Variants in P3H1 observed in about 807,000 individuals in gnomAD.
P3H1 encodes the protein growth suppressor 1.
Under a neutral mutation model 84.0 loss-of-function variants are expected in P3H1, and 69 were observed. That is an observed-to-expected ratio of 0.82 (90% CI 0.68 to 1.00). The LOEUF (loss-of-function observed/expected upper bound fraction) is 1.00, where lower values mean the gene tolerates loss of function less well. Among genes scored for constraint, P3H1 ranks in the 50% least tolerant of loss-of-function variants. The pLI is 0.00. For synonymous variants in P3H1, 366 were observed against 388.8 expected (o/e 0.94, Z 0.69); for missense variants, 878 against 962.8 (o/e 0.91, Z 1.17).
intron 6 of P3H1, 122 bp downstream of exon 6, chr1:42,755,426 C>A (rs956677625): frequency 2.9e-6 from 3 of 1,024,486 alleles, no homozygotes; most frequent in Non-Finnish European, 4.6e-6. Flanking sequence ...TGCACAGATC[C>A]CAGGCTAGGC....
intron 1 of P3H1, 128 bp downstream of exon 1, chr1:42,766,375 AGAGC>A (rs1365381356): frequency 2.5e-6 from 2 of 794,316 alleles, no homozygotes; most frequent in Non-Finnish European, 4.2e-6. Context: ...GGCTCCGAGG[AGAGC>A]TCCCCAGCCA....
At chr1:42,748,145 TG>T in intron 12 of P3H1, 54 bp downstream of exon 12, 1 of 1,294,406 alleles carries the variant, frequency 7.7e-7, no homozygotes, top group Non-Finnish European at 1.1e-6. Flanking sequence ...CAGGGCACTG[TG>T]GGGCCTCTGA....
intron 9 of P3H1, 62 bp downstream of exon 9, chr1:42,752,475 G>T: frequency 1.2e-6 from 2 of 1,613,020 alleles, no homozygotes; most frequent in South Asian, 1.1e-5. Flanking sequence ...ACCACCCAAG[G>T]GGCACTTGGT....
intron 10 of P3H1, among the ~76,000 whole-genome samples, 156 bp downstream of exon 10, chr1:42,752,118 G>A (rs564640419): frequency 6.6e-5 from 10 of 152,244 alleles, no homozygotes; most frequent in South Asian, 6.2e-4. Context: ...TGAACCTCAC[G>A]CAACATAACT....
At chr1:42,764,153 G>A (rs1320748006) in intron 1 of P3H1, among the ~76,000 whole-genome samples, 8 of 152,068 alleles carry the variant, frequency 5.3e-5, no homozygotes, top group Admixed American at 1.3e-4. Context: ...GGCTGGGTGC[G>A]GTGGCTCACG....
chr1:42,752,397 T>A (rs774893298), intron 9 of P3H1, 28 bp from the exon 10 acceptor site: 1 of 1,612,432 alleles, frequency 6.2e-7, no homozygotes, highest in East Asian at 2.2e-5. Context: ...CAAGGTGATG[T>A]TAGCCAGGGC....
At chr1:42,752,166 G>T in intron 10 of P3H1, 108 bp downstream of exon 10, 1 of 898,614 alleles carries the variant, frequency 1.1e-6, no homozygotes, top group Non-Finnish European at 1.9e-6. Flanking sequence ...TTGGCAGGTG[G>T]ACCCTCTTCA....
intron 1 of P3H1, among the ~76,000 whole-genome samples, chr1:42,765,489 A>G (rs916342572): frequency 5.3e-5 from 8 of 152,262 alleles, no homozygotes; most frequent in African/African-American, 1.7e-4. Context: ...GTAGGTATGC[A>G]ATACATGTTT....
Position 42,748,207 on chromosome 1 carries a change from C to A in P3H1, c.1831G>T (p.Asp611Tyr), listed in dbSNP as rs200935208. 38 of 1,612,622 alleles carry A rather than the reference C, an allele frequency of 2.4e-5. No homozygotes were observed. The highest frequency in any genetic ancestry group is 3.1e-5 in the Non-Finnish European group (36 of 1,179,268). ...VKEPPAYTFR[D>Y]YSAILYLNGD... ...CACCTGCCCCGCACTCACCTGTAGT[C>A]GCGGAAGGTGTAGGCTGGGGGCTCT... is the stretch of plus-strand genomic sequence containing the variant. The change falls in exon 12 of 15, where the codon GAC becomes TAC. Residue 611 changes from aspartate to tyrosine, a missense_variant. By Grantham distance (160) the Asp-to-Tyr change is radical (BLOSUM62 -3). Coordinates refer to ENST00000296388, the MANE Select transcript of P3H1 (RefSeq NM_022356.4).
In P3H1 at chr1:42,746,587, G is replaced by A. The variant is rs1187690267; in HGVS notation, c.*110C>T. On this transcript the variant is annotated 3_prime_UTR_variant, in exon 15 of 15. Transcript: ENST00000296388. ...CTGTGAGCAGGGTCCCCTCGGCTGA[G>A]TGGCAGATGTAGGCTCACTGCTCTG... 1.2e-6 allele frequency: 1 copy of A among 868,198 alleles called. No homozygotes were observed. Among genetic ancestry groups the A allele is most frequent in the Non-Finnish European group, 1.9e-6 (1 of 534,114 alleles). 53.8% of individuals were successfully genotyped at this position (868,198 alleles called of 1,614,324 possible). A position where few individuals can be genotyped will look rare whatever the true frequency, so the allele number is the denominator to read the frequency against.
Position 42,748,319 on chromosome 1 carries a change from T to A in P3H1, c.1721-2A>T, listed in dbSNP as rs1651848476. 1 of 1,607,470 alleles carries A rather than the reference T, an allele frequency of 6.2e-7. No individual in the cohort carries two copies. The highest frequency in any genetic ancestry group is 8.5e-7 in the Non-Finnish European group (1 of 1,174,330). ...CATCCTTCCTCTCTGCCTGGACCTC[T>A]GGGGCCAATGTCACACATGTTAGCA... On this transcript the variant is annotated splice_acceptor_variant, in intron 11 of 14. Coordinates refer to ENST00000296388, the MANE Select transcript of P3H1 (RefSeq NM_022356.4). LOFTEE classifies it high-confidence loss of function.
At chr1:42,761,206 G>A (rs1652699824) in intron 2 of P3H1, 1 of 151,498 alleles carries the variant, frequency 6.6e-6, no homozygotes, top group Non-Finnish European at 1.5e-5. Flanking sequence ...CTGACCTTAA[G>A]TGATCCACCC....
chr1:42,762,557 C>A, intron 1 of P3H1, 82 bp from the exon 2 acceptor site: 1 of 1,481,222 alleles, frequency 6.8e-7, no homozygotes, highest in Non-Finnish European at 9.4e-7. Flanking sequence ...TCCACATAAA[C>A]AGGAAATCCC....
At chr1:42,762,554 A>G (rs1214045703) in intron 1 of P3H1, 79 bp from the exon 2 acceptor site, 46 of 1,516,872 alleles carry the variant, frequency 3.0e-5, no homozygotes, top group Non-Finnish European at 4.1e-5. Context: ...CAGTCCACAT[A>G]AACAGGAAAT....
At chr1:42,756,322 C>T (rs1652401562) in intron 5 of P3H1, 2 of 153,294 alleles carry the variant, frequency 1.3e-5, no homozygotes, top group Middle Eastern at 1.2e-3. Flanking sequence ...CCAGACCACA[C>T]CCCTCCCTGA....
chr1:42,760,353 G>A (rs1240164764), intron 2 of P3H1: 7 of 151,894 alleles, frequency 4.6e-5, no homozygotes, highest in Non-Finnish European at 1.0e-4. Context: ...GTTTTGTTTT[G>A]TTTTGAGACA....
At chr1:42,766,309 C>T (rs1026736591) in intron 1 of P3H1, among the ~76,000 whole-genome samples, 198 bp downstream of exon 1, 1 of 152,214 alleles carries the variant, frequency 6.6e-6, no homozygotes, top group East Asian at 1.9e-4. Context: ...TTGGGGTTAG[C>T]ATCTGCCCAT....
intron 2 of P3H1, chr1:42,761,383 T>C (rs1241446411): frequency 6.6e-6 from 1 of 152,206 alleles, no homozygotes. Context: ...CTTTGGAACT[T>C]TTCCTGCTAA....
chr1:42,755,583 C>A lies in P3H1; in HGVS notation c.1135G>T (p.Ala379Ser), dbSNP rs762013462. Residue 379 changes from alanine (A) to serine (S), a missense_variant, in exon 6 of 15, where the codon GCT (alanine) becomes TCT (serine). Coordinates refer to ENST00000296388, the MANE Select transcript of P3H1 (RefSeq NM_022356.4). ...AAGGGAATTCCAAAAACATCATAAG[C>A]GAAGAAAAGCAGTTCTTTTTCCAGT... ...SLLEKELLFFAYDVFGIPFVD... is the reference protein window; with the variant it reads ...SLLEKELLFFSYDVFGIPFVD... The A allele has an allele frequency of 6.2e-7, 1 of 1,614,090 alleles. No homozygotes were observed.
Sources: gnomAD v4.1 joint callset for allele counts (sites outside exome capture counted in the v4.1 genomes callset) on GRCh38, gnomAD v4.1.1 for gene constraint, MANE v1.5 for transcripts, NCBI Gene and HGNC (gene_info 2026-07-23, HGNC 2026-07-21) for gene names.